The following NDRG2 variants were observed in gnomAD, a reference collection of about 807,000 sequenced individuals.
The protein encoded by NDRG2 is NDRG family member 2, also known as protein NDRG2.
NDRG2 carries 34 observed loss-of-function variants against 58.2 expected under a neutral mutation model. That is an observed-to-expected ratio of 0.58 (90% CI 0.44 to 0.78). The LOEUF is 0.78. Ranked by LOEUF, NDRG2 falls within the 30% of genes least tolerant of loss-of-function variation. NDRG2 has a pLI of 0.00. For missense variants in NDRG2, 434 were observed against 471.2 expected, an observed-to-expected ratio of 0.92 and a Z score of 0.73; for synonymous variants, 187 against 175.9, an observed-to-expected ratio of 1.06 and a Z score of -0.50.
upstream of NDRG2, chr14:21,025,462 G>T (rs1410082495): frequency 1.0e-6 from 1 of 985,404 alleles, no homozygotes; most frequent in Non-Finnish European, 1.2e-6. This position sits in a 1 kb window ranked among gnomAD's most constrained non-coding sequence, Gnocchi z 5.1. Flanking sequence ...CGGTAGTGGG[G>T]AGACGAACCC....
intron 1 of NDRG2, among the ~76,000 whole-genome samples, chr14:21,066,104 TAACAAC>T (rs951156309): frequency 6.1e-4 from 93 of 151,882 alleles, no homozygotes; most frequent in Non-Finnish European, 9.9e-4. Context: ...TTTTCAACAA[TAACAAC>T]AACAACAACA....
upstream of NDRG2, chr14:21,030,077 G>C (rs2139070437): frequency 6.5e-6 from 1 of 153,440 alleles, no homozygotes; most frequent in South Asian, 2.1e-4. Context: ...AAAGTTGGCA[G>C]TTTGCTCAAT....
At chr14:21,018,175 C>T (rs1197865801) in intron 14 of NDRG2, 29 bp downstream of exon 14, 1 of 1,613,358 alleles carries the variant, frequency 6.2e-7, no homozygotes, top group Admixed American at 1.7e-5. Context: ...ATGTCCCTTC[C>T]CCATCCCATG....
intron 1 of NDRG2, chr14:21,033,125 C>T (rs560423427): frequency 1.6e-5 from 6 of 385,458 alleles, no homozygotes; most frequent in Admixed American, 3.5e-5. Context: ...GGTAAGAAGA[C>T]TGGAAGAAAA....
At chr14:21,045,626 T>C (rs1885108685) in intron 1 of NDRG2, among the ~76,000 whole-genome samples, 1 of 152,234 alleles carries the variant, frequency 6.6e-6, no homozygotes, top group Non-Finnish European at 1.5e-5. Context: ...TTCTTATGGA[T>C]AATATGGTTT....
chr14:21,019,690 G>A lies in NDRG2; in HGVS notation c.665C>T (p.Thr222Ile), dbSNP rs372825917. 6.7e-4 allele frequency: 1,088 copies of A among 1,613,932 alleles called. 18 individuals are homozygous for A. In the South Asian group the frequency reaches 0.011, roughly 17 times the overall value. Residue 222 changes from threonine to isoleucine, a missense_variant, in exon 10 of 16, where the codon ACA becomes ATA. Transcript: ENST00000556147. Reference sequence around the variant, plus strand: ...AATGTTATCCAGGTTGGGTGCATGTGTAATGATATTTCTGTACTTTTGTAT... The same window carrying A: ...AATGTTATCCAGGTTGGGTGCATGTATAATGATATTTCTGTACTTTTGTAT... ...ELIQKYRNIITHAPNLDNIEL... is the reference protein window; with the variant it reads ...ELIQKYRNIIIHAPNLDNIEL...
rs146089864 is a variant in NDRG2 at position 21,021,948 on chromosome 14, C to T, written c.345-69G>A. ...ACACCCCCCACCTCAGGATGTCCTA[C>T]TCATTCTCTCCCAGAATAACCACTG... On this transcript the variant is annotated intron_variant, in intron 5 of 15. Coordinates refer to ENST00000556147, the MANE Select transcript of NDRG2 (RefSeq NM_001320329.2). 512 of 1,611,620 alleles carry T rather than the reference C, an allele frequency of 3.2e-4. No individual in the cohort carries two copies. In the Middle Eastern group the frequency reaches 5.3e-3, roughly 17 times the overall value.
Position 21,024,145 on chromosome 14 carries a change from G to A in NDRG2, c.-122C>T. 1.0e-6 allele frequency: 1 copy of A among 985,408 alleles called. No homozygotes were observed. Among genetic ancestry groups the A allele is most frequent in the Non-Finnish European group, 1.2e-6 (1 of 829,954 alleles). The allele number at this position is 985,408 out of a possible 1,614,324, so 61.0% of individuals were successfully genotyped here. On this transcript the variant is annotated 5_prime_UTR_variant, in exon 1 of 16. Coordinates refer to ENST00000556147, the MANE Select transcript of NDRG2 (RefSeq NM_001320329.2). Reference sequence around the variant, plus strand: ...GAATGACATGGGAGACAGACCTGGGGTCTTTCAGGGACGGAAAGCCTCAGC... The same window carrying A: ...GAATGACATGGGAGACAGACCTGGGATCTTTCAGGGACGGAAAGCCTCAGC...
At chr14:21,028,951 G>A (rs1486246983), upstream of NDRG2, 2 of 152,194 alleles carry the variant, frequency 1.3e-5, no homozygotes, top group African/African-American at 4.8e-5. Flanking sequence ...GATCCGTGAG[G>A]TTCATCTATC....
intron 1 of NDRG2, among the ~76,000 whole-genome samples, chr14:21,061,928 C>G (rs1234035236): frequency 6.6e-6 from 1 of 152,100 alleles, no homozygotes; most frequent in Non-Finnish European, 1.5e-5. Context: ...CTGGTTAGCT[C>G]AAATGCCCAA....
intron 1 of NDRG2, among the ~76,000 whole-genome samples, chr14:21,049,121 C>T (rs1243416309): frequency 6.6e-6 from 1 of 152,118 alleles, no homozygotes; most frequent in Non-Finnish European, 1.5e-5. Flanking sequence ...CCTCTGTATT[C>T]CCTCCCATCC....
intron 4 of NDRG2, 74 bp downstream of exon 4, chr14:21,022,318 C>G: frequency 6.3e-7 from 1 of 1,575,692 alleles, no homozygotes; most frequent in Non-Finnish European, 8.7e-7. Context: ...CCTCCCCTCC[C>G]TCTGGGTTTC....
upstream of NDRG2, chr14:21,029,019 G>A (rs1385310399): frequency 6.6e-6 from 1 of 152,214 alleles, no homozygotes; most frequent in Non-Finnish European, 1.5e-5. Context: ...GAACATCTTT[G>A]ACCTGCATAG....
chr14:21,023,872 A>G (rs945414013), intron 1 of NDRG2, 158 bp downstream of exon 1: 8 of 653,490 alleles, frequency 1.2e-5, no homozygotes, highest in African/African-American at 2.0e-5. Context: ...CATAAAAGGG[A>G]CATCTGTCCA....
At chr14:21,043,545 C>G in intron 1 of NDRG2, 3 of 942,452 alleles carry the variant, frequency 3.2e-6, no homozygotes. Flanking sequence ...CCAGAGCATT[C>G]TCTTCCCCTC....
At chr14:21,057,635 A>ATATATATATATATATATATATATATATG (rs970286695) in intron 1 of NDRG2, among the ~76,000 whole-genome samples, 2 of 147,802 alleles carry the variant, frequency 1.4e-5, no homozygotes, top group African/African-American at 5.0e-5. Context: ...ATATATATAT[A>ATATATATATATATATATATATATATATG]TGTGAGAAGG....
chr14:21,057,929 C>G, intron 1 of NDRG2: 1 of 1,614,144 alleles, frequency 6.2e-7, no homozygotes, highest in Non-Finnish European at 8.5e-7. Flanking sequence ...CCCCCTGCTG[C>G]TGCTGCTTCT....
At chr14:21,027,228 G>C (rs1411632405), upstream of NDRG2, among the ~76,000 whole-genome samples, 2 of 152,224 alleles carry the variant, frequency 1.3e-5, no homozygotes, top group Admixed American at 1.3e-4. Flanking sequence ...TGTCAGGGCA[G>C]CTCCCAGCCC....
chr14:21,053,780 G>T (rs1885565413), intron 1 of NDRG2, among the ~76,000 whole-genome samples: 1 of 152,106 alleles, frequency 6.6e-6, no homozygotes. Context: ...CTCCAGCCTG[G>T]GTGACAGAGC....
Sources: allele counts gnomAD v4.1 joint callset (sites outside exome capture counted in the v4.1 genomes callset), GRCh38; gene constraint gnomAD v4.1.1; non-coding constraint Gnocchi (gnomAD v3.1); transcripts MANE v1.5; gene names NCBI Gene and HGNC (gene_info 2026-07-23, HGNC 2026-07-21).